The following KCNAB2 variants were observed in gnomAD, a reference collection of about 807,000 sequenced individuals.
KCNAB2 encodes potassium voltage-gated channel subfamily A regulatory beta subunit 2, also known as voltage-gated potassium channel subunit beta-2.
Under a neutral mutation model 63.6 loss-of-function variants are expected in KCNAB2, and 29 were observed. The observed-to-expected ratio is 0.46, with a 90% CI of 0.34 to 0.62. The LOEUF (loss-of-function observed/expected upper bound fraction) is 0.62, where lower values mean the gene tolerates loss of function less well. KCNAB2 is among the 20% of genes least tolerant of loss of function. The pLI, the probability that KCNAB2 is intolerant of heterozygous loss-of-function variation, is 0.01. For missense variants in KCNAB2, 359 were observed against 563.9 expected, an observed-to-expected ratio of 0.64 and a Z score of 3.68; for synonymous variants, 222 against 224.2, an observed-to-expected ratio of 0.99 and a Z score of 0.09.
At chr1:6,077,599 C>T (rs76340057) in intron 4 of KCNAB2, among the ~76,000 whole-genome samples, 2,255 of 152,320 alleles carry the variant, frequency 0.015, 50 homozygotes, top group African/African-American at 0.05. Flanking sequence ...TGTGATTGGC[C>T]GGGCTTTCCT....
Position 6,097,299 on chromosome 1 carries a change from C to T in KCNAB2, c.1100C>T (p.Ser367Phe). Residue 367 changes from serine (S) to phenylalanine (F), a missense_variant, in exon 15 of 16, where the codon TCC becomes TTC. Ser to Phe is a radical substitution (Grantham distance 155). Around this residue, in one of 2 missense-constraint regions of KCNAB2, gnomAD observed 271 missense variants for 476.1 expected, o/e 0.57. Coordinates refer to ENST00000378083, the MANE Select transcript of KCNAB2 (RefSeq NM_001199862.2). ...TGCCTGAGGAATGAGGGAGTCAGCTCCGTGCTCCTGGGGGCCTCCAATGCG... is the reference window on the plus strand; with the variant it reads ...TGCCTGAGGAATGAGGGAGTCAGCTTCGTGCTCCTGGGGGCCTCCAATGCG... ...AWCLRNEGVS[S>F]VLLGASNADQ... 1 of 1,551,454 alleles carries T rather than the reference C, an allele frequency of 6.4e-7. No homozygotes were observed. The highest frequency in any genetic ancestry group is 8.7e-7 in the Non-Finnish European group (1 of 1,146,826).
At chr1:6,033,260 T>C (rs1371536850), upstream of KCNAB2, among the ~76,000 whole-genome samples, 1 of 150,708 alleles carries the variant, frequency 6.6e-6, no homozygotes, top group Non-Finnish European at 1.5e-5. Context: ...TATGTGTGTG[T>C]GTGCCTGTGT....
chr1:6,018,102 T>G (rs957489838), intron 1 of KCNAB2, among the ~76,000 whole-genome samples: 2 of 152,128 alleles, frequency 1.3e-5, no homozygotes, highest in Non-Finnish European at 2.9e-5. Context: ...CAACTAATTT[T>G]TTTTGTAATT....
chr1:6,087,379 C>G lies in KCNAB2; in HGVS notation c.426-88C>G, dbSNP rs189972442. 702 of 1,424,172 alleles carry G rather than the reference C, an allele frequency of 4.9e-4. 3 individuals carry two copies. The African/African-American group carries it at 8.3e-3, about 17-fold the overall frequency. 88.2% of individuals were successfully genotyped at this position (1,424,172 alleles called of 1,614,324 possible). ...CTGGGTGGGAGGGCTTTCAGGACCT[C>G]TGTGTGAGAGATGAGGACGTCGGGG... On this transcript the variant is annotated intron_variant, in intron 6 of 15. Coordinates refer to ENST00000378083, the MANE Select transcript of KCNAB2 (RefSeq NM_001199862.2). This position sits in a 1 kb window ranked among gnomAD's most constrained non-coding sequence, Gnocchi z 6.4.
At chr1:6,089,229 GC>G (rs1021813629) in intron 8 of KCNAB2, among the ~76,000 whole-genome samples, 178 bp downstream of exon 8, 2 of 152,240 alleles carry the variant, frequency 1.3e-5, no homozygotes, top group African/African-American at 4.8e-5. Flanking sequence ...GCGGGACGCT[GC>G]AGAGAACGAG....
intron 2 of KCNAB2, among the ~76,000 whole-genome samples, chr1:6,065,149 T>A (rs1440595629): frequency 6.6e-6 from 1 of 152,224 alleles, no homozygotes; most frequent in Non-Finnish European, 1.5e-5. Context: ...CCGCTGGGCA[T>A]GCGCCAGGGA....
intron 5 of KCNAB2, 72 bp downstream of exon 5, chr1:6,082,346 C>A: frequency 8.4e-7 from 1 of 1,192,022 alleles, no homozygotes; most frequent in Non-Finnish European, 1.3e-6. Context: ...GGGATTCCTG[C>A]CGCTCGCGTT....
In KCNAB2 at chr1:6,096,232, C is replaced by G; in HGVS notation, c.949-404C>G. Reference sequence around the variant, plus strand: ...CAGGGCCCCCCTCCAGGAGGCCCTGCAATCCTCTGGGGGGGATGGCCAGGG... The same window carrying G: ...CAGGGCCCCCCTCCAGGAGGCCCTGGAATCCTCTGGGGGGGATGGCCAGGG... On this transcript the variant is annotated intron_variant, in intron 13 of 15. Transcript: ENST00000378083. The surrounding 1 kb of genome is among the most constrained non-coding windows in gnomAD (Gnocchi z 5.9). The G allele has an allele frequency of 2.2e-6, 1 of 448,508 alleles. No individual in the cohort carries two copies. The highest frequency in any genetic ancestry group is 1.6e-5 in the South Asian group (1 of 63,178). 27.8% of individuals were successfully genotyped at this position (448,508 alleles called of 1,614,324 possible). A position where few individuals can be genotyped will look rare whatever the true frequency, so the allele number is the denominator to read the frequency against.
intron 2 of KCNAB2, among the ~76,000 whole-genome samples, chr1:6,067,072 A>G (rs1662818156): frequency 6.6e-6 from 1 of 152,130 alleles, no homozygotes; most frequent in Non-Finnish European, 1.5e-5. Context: ...GCTTTGTACA[A>G]AGGGTCCCGG....
chr1:6,072,943 C>T, intron 3 of KCNAB2, 145 bp downstream of exon 3: 1 of 621,904 alleles, frequency 1.6e-6, no homozygotes, highest in Non-Finnish European at 2.7e-6. Flanking sequence ...GCCCAGGATT[C>T]AGGGGGGCTC....
intron 2 of KCNAB2, among the ~76,000 whole-genome samples, chr1:6,065,488 C>G (rs997493675): frequency 6.6e-6 from 1 of 152,220 alleles, no homozygotes; most frequent in Non-Finnish European, 1.5e-5. Flanking sequence ...ACTCAAGAAG[C>G]CCCGAGAAGC....
chr1:6,013,443 C>G (rs1373717784), intron 1 of KCNAB2, among the ~76,000 whole-genome samples: 3 of 152,146 alleles, frequency 2.0e-5, no homozygotes, highest in Non-Finnish European at 4.4e-5. Context: ...GCCCTGGGCA[C>G]AAAAGAAACA....
rs531995602 is a variant in KCNAB2, at chr1:6,094,947, C to G, written c.733-376C>G. ...GGGACCCTCTCACATGCAATCCTCA[C>G]CGGTGCCTTTACCAGGTGAGTGCCG... On this transcript the variant is annotated intron_variant, in intron 11 of 15. Coordinates refer to ENST00000378083, the MANE Select transcript of KCNAB2 (RefSeq NM_001199862.2). Among the ~76,000 whole-genome samples the G allele has an allele frequency of 3.9e-5, 6 of 152,360 alleles. 1 individual carries two copies. The South Asian group carries it at 1.2e-3, about 32-fold the overall frequency.
In KCNAB2 at chr1:6,099,549, A is replaced by T. The variant is rs897976542; in HGVS notation, c.*975A>T. 1 of 455,016 alleles carries T rather than the reference A, an allele frequency of 2.2e-6. No individual in the cohort carries two copies. The highest frequency in any genetic ancestry group is 5.8e-4 in the Middle Eastern group (1 of 1,738). 28.2% of individuals were successfully genotyped at this position (455,016 alleles called of 1,614,324 possible). A position where few individuals can be genotyped will look rare whatever the true frequency, so the allele number is the denominator to read the frequency against. On this transcript the variant is annotated 3_prime_UTR_variant, in exon 16 of 16. Transcript: ENST00000378083. ...GCAGGGGCCGGCCCTGTGCACAAGG[A>T]TGCACTCCTCTCGGCCCCTGTAGAC...
upstream of KCNAB2, among the ~76,000 whole-genome samples, chr1:6,042,081 T>C (rs1410916178): frequency 6.6e-6 from 1 of 152,112 alleles, no homozygotes; most frequent in Non-Finnish European, 1.5e-5. Context: ...GTTAATTGTA[T>C]GTGTTGGTCT....
In KCNAB2 at chr1:6,090,468, G is replaced by A. The variant is rs750883348; in HGVS notation, c.594G>A (p.Pro198=). 83 of 1,613,158 alleles carry A rather than the reference G, an allele frequency of 5.1e-5. 2 individuals carry two copies. Among genetic ancestry groups the A allele is most frequent in the South Asian group, 1.6e-4 (15 of 91,070 alleles). The part of the protein sequence containing the change: ...VFANRPDPNT[P]MEGDPFSSSK... ...CCAACCGCCCGGACCCCAACACCCC[G>A]ATGGAAGGTAGGTGGTCTGCGGCGG... Residue 198 remains proline, a synonymous_variant, in exon 9 of 16, where the codon CCG becomes CCA. Coordinates refer to ENST00000378083, the MANE Select transcript of KCNAB2 (RefSeq NM_001199862.2).
In KCNAB2 at chr1:6,087,281, A is replaced by C. The variant is rs11584419; in HGVS notation, c.426-186A>C. Among the ~76,000 whole-genome samples the C allele has an allele frequency of 0.086, 13,083 of 152,152 alleles. 750 individuals carry two copies. The highest frequency in any genetic ancestry group is 0.19 in the East Asian group (997 of 5,144). The stretch of plus-strand genomic sequence containing the variant: ...GTGGCTGCCTCCTGGCTCCATGAGG[A>C]GCCCACGCACCCCGGCTGGGCACGT... On this transcript the variant is annotated intron_variant, in intron 6 of 15. Coordinates refer to ENST00000378083, the MANE Select transcript of KCNAB2 (RefSeq NM_001199862.2). This position sits in a 1 kb window ranked among gnomAD's most constrained non-coding sequence, Gnocchi z 6.4.
At chr1:6,037,999 C>T (rs1430933933) in intron 1 of KCNAB2, among the ~76,000 whole-genome samples, 1 of 151,806 alleles carries the variant, frequency 6.6e-6, no homozygotes, top group Non-Finnish European at 1.5e-5. Flanking sequence ...CTCACCCTCC[C>T]AAGTAGCTGG....
At chr1:6,055,332 G>A (rs1294887977) in intron 2 of KCNAB2, among the ~76,000 whole-genome samples, 1 of 151,824 alleles carries the variant, frequency 6.6e-6, no homozygotes, top group Non-Finnish European at 1.5e-5. Flanking sequence ...TCAGGGAGTG[G>A]AGGAGACCAG....
Sources: allele counts gnomAD v4.1 joint callset (sites outside exome capture counted in the v4.1 genomes callset), GRCh38; gene constraint gnomAD v4.1.1; regional missense constraint gnomAD v4.1.1; non-coding constraint Gnocchi (gnomAD v3.1); transcripts MANE v1.5; gene names NCBI Gene and HGNC (gene_info 2026-07-23, HGNC 2026-07-21).